Variants in CFAP299 observed in about 807,000 individuals in gnomAD.
The protein encoded by CFAP299 is cilia and flagella associated protein 299, also known as cilia- and flagella-associated protein 299.
Under a neutral mutation model 27.0 loss-of-function variants are expected in CFAP299, and 21 were observed. The observed-to-expected ratio is 0.78, with a 90% CI of 0.55 to 1.12. CFAP299 has a LOEUF of 1.12. Among genes scored for constraint, CFAP299 ranks in the 50% most tolerant of loss-of-function variants. CFAP299 has a pLI of 0.00. For synonymous variants in CFAP299, 104 were observed against 98.1 expected, an observed-to-expected ratio of 1.06 and a Z score of -0.36; for missense variants, 310 against 276.6, an observed-to-expected ratio of 1.12 and a Z score of -0.86.
intron 2 of CFAP299, among the ~76,000 whole-genome samples, chr4:80,437,752 C>G (rs1728163563): frequency 6.6e-6 from 1 of 152,144 alleles, no homozygotes; most frequent in African/African-American, 2.4e-5. Context: ...GCAAGAGACC[C>G]ATGGAGAATT....
intron 2 of CFAP299, among the ~76,000 whole-genome samples, chr4:80,381,924 C>T (rs923856075): frequency 2.0e-5 from 3 of 152,098 alleles, no homozygotes; most frequent in African/African-American, 7.2e-5. Context: ...TATCAGCTAT[C>T]TATAGTCTGC....
chr4:80,387,604 C>T (rs1725087334), intron 2 of CFAP299: 11 of 1,252,988 alleles, frequency 8.8e-6, no homozygotes, highest in African/African-American at 1.5e-5. Context: ...CACAGAGTTT[C>T]GAGACACAGT....
At chr4:80,691,773 A>G (rs1720715552) in intron 3 of CFAP299, among the ~76,000 whole-genome samples, 1 of 152,236 alleles carries the variant, frequency 6.6e-6, no homozygotes, top group African/African-American at 2.4e-5. Context: ...TGCAGTTGAC[A>G]TGATTGTATA....
chr4:80,349,971 G>GA lies in CFAP299; in HGVS notation c.112-12777dup, dbSNP rs150326556. Among the ~76,000 whole-genome samples the GA allele has an allele frequency of 8.9e-3, 1,349 of 152,046 alleles. 22 individuals carry two copies. The highest frequency in any genetic ancestry group is 0.031 in the African/African-American group (1,281 of 41,514). Reference sequence around the variant, plus strand: ...ATGATTATCTACAATGAACATACAAGAAAAAATGCTGAAATCCTATTTTAA... The same window carrying GA: ...ATGATTATCTACAATGAACATACAAGAAAAAAATGCTGAAATCCTATTTTAA... On this transcript the variant is annotated intron_variant, in intron 1 of 5. Coordinates refer to ENST00000358105, the MANE Select transcript of CFAP299 (RefSeq NM_152770.3).
chr4:80,830,609 A>G (rs539553253), intron 3 of CFAP299, among the ~76,000 whole-genome samples: 4 of 152,076 alleles, frequency 2.6e-5, no homozygotes, highest in African/African-American at 4.8e-5. Context: ...AGGCCAAACT[A>G]TCTCAAGGGC....
rs1399200187 is a variant in CFAP299, at chr4:80,592,405, G to A, written c.333+9222G>A. ...TATAAATTGTAAGAAAAAACTTCTG[G>A]CTGCCTAACCTTAACAAGTACCATG... On this transcript the variant is annotated intron_variant, in intron 3 of 5. Coordinates refer to ENST00000358105, the MANE Select transcript of CFAP299 (RefSeq NM_152770.3). Among the ~76,000 whole-genome samples, 4 of 152,084 alleles carry A rather than the reference G, an allele frequency of 2.6e-5. No individual in the cohort carries two copies. The East Asian group carries it at 7.7e-4, about 29-fold the overall frequency.
intron 4 of CFAP299, among the ~76,000 whole-genome samples, chr4:80,937,544 T>C (rs1434925769): frequency 6.6e-6 from 1 of 151,908 alleles, no homozygotes; most frequent in Non-Finnish European, 1.5e-5. Context: ...GTCTCTCAAA[T>C]ACCTGGGCTC....
chr4:80,725,876 A>C (rs911227370), intron 3 of CFAP299, among the ~76,000 whole-genome samples: 2 of 152,148 alleles, frequency 1.3e-5, no homozygotes, highest in African/African-American at 4.8e-5. Context: ...CTGTGTGCCA[A>C]AGCTGAGGAG....
At chr4:80,675,582 AG>A (rs1176278596) in intron 3 of CFAP299, among the ~76,000 whole-genome samples, 1 of 152,240 alleles carries the variant, frequency 6.6e-6, no homozygotes, top group Non-Finnish European at 1.5e-5. Flanking sequence ...GCTGTCAGAC[AG>A]GGACATTTAA....
chr4:80,402,086 C>T (rs1287479038), intron 2 of CFAP299, among the ~76,000 whole-genome samples: 1 of 152,142 alleles, frequency 6.6e-6, no homozygotes, highest in East Asian at 1.9e-4. Flanking sequence ...CCATTGCATC[C>T]AGGAAGTAAC....
intron 2 of CFAP299, among the ~76,000 whole-genome samples, chr4:80,545,925 CTTGGATGAAAGA>C (rs145201170): frequency 0.011 from 1,684 of 152,252 alleles, 23 homozygotes; most frequent in Non-Finnish European, 0.019. Context: ...GGCTTTACTC[CTTGGATGAAAGA>C]TCGGTTCAGC....
chr4:80,421,532 A>G (rs1465500764), intron 2 of CFAP299, among the ~76,000 whole-genome samples: 4 of 152,262 alleles, frequency 2.6e-5, no homozygotes, highest in Non-Finnish European at 5.9e-5. Context: ...ACTTACAGTC[A>G]AATGAATTTT....
intron 2 of CFAP299, among the ~76,000 whole-genome samples, chr4:80,439,032 T>C (rs1728224567): frequency 6.6e-6 from 1 of 152,226 alleles, no homozygotes; most frequent in Admixed American, 6.5e-5. Flanking sequence ...GATTTACTAG[T>C]ATATAGTGTA....
intron 3 of CFAP299, among the ~76,000 whole-genome samples, chr4:80,730,253 T>TGA (rs1336166930): frequency 3.0e-5 from 4 of 131,576 alleles, no homozygotes; most frequent in Non-Finnish European, 6.5e-5. Context: ...TCTCTCTGTG[T>TGA]GTGTGTGTGT....
intron 3 of CFAP299, among the ~76,000 whole-genome samples, chr4:80,606,828 T>TAA (rs34129877): frequency 4.6e-5 from 7 of 151,738 alleles, no homozygotes; most frequent in East Asian, 3.9e-4. Flanking sequence ...ATATGCTTTT[T>TAA]AAAAAAAAAT....
intron 3 of CFAP299, among the ~76,000 whole-genome samples, chr4:80,686,210 G>A (rs1720181270): frequency 6.6e-6 from 1 of 152,070 alleles, no homozygotes; most frequent in African/African-American, 2.4e-5. Flanking sequence ...AATAAACATT[G>A]CATAACCTTC....
chr4:80,369,077 G>A (rs1285014040), intron 2 of CFAP299, among the ~76,000 whole-genome samples: 1 of 152,196 alleles, frequency 6.6e-6, no homozygotes, highest in East Asian at 1.9e-4. Flanking sequence ...TCCCACATGG[G>A]ATGAAATAGC....
At chr4:80,725,716 G>T (rs1161721349) in intron 3 of CFAP299, among the ~76,000 whole-genome samples, 1 of 152,174 alleles carries the variant, frequency 6.6e-6, no homozygotes, top group Admixed American at 6.5e-5. Flanking sequence ...AGGTGCTGGG[G>T]TCTTCTAATT....
intron 2 of CFAP299, among the ~76,000 whole-genome samples, chr4:80,564,691 GAAAT>G (rs1735196579): frequency 1.3e-5 from 2 of 151,750 alleles, no homozygotes; most frequent in Admixed American, 1.3e-4. Context: ...AAAAGAAAAA[GAAAT>G]AAACGGCATC....
Sources: allele counts gnomAD v4.1 joint callset (sites outside exome capture counted in the v4.1 genomes callset), GRCh38; gene constraint gnomAD v4.1.1; transcripts MANE v1.5; gene names NCBI Gene and HGNC (gene_info 2026-07-23, HGNC 2026-07-21).